WWOX: variants seen among roughly 807,000 people sequenced by gnomAD.
WWOX encodes WW domain containing oxidoreductase.
Under a neutral mutation model 46.2 loss-of-function variants are expected in WWOX, and 69 were observed. The observed-to-expected ratio is 1.49, with a 90% CI of 1.23 to 1.82. The LOEUF (loss-of-function observed/expected upper bound fraction) is 1.82, where lower values mean the gene tolerates loss of function less well. WWOX is among the 40% of genes most tolerant of loss of function. The pLI is 0.00. For missense variants in WWOX, 919 were observed against 542.6 expected, an observed-to-expected ratio of 1.69 and a Z score of -6.89; for synonymous variants, 359 against 202.6, an observed-to-expected ratio of 1.77 and a Z score of -6.56.
At chr16:78,895,972 G>T (rs1298445553) in intron 8 of WWOX, 1 of 152,120 alleles carries the variant, frequency 6.6e-6, no homozygotes, top group Non-Finnish European at 1.5e-5. Flanking sequence ...CCAGGAAACA[G>T]ATACTCAATT....
intron 8 of WWOX, among the ~76,000 whole-genome samples, chr16:78,569,346 A>G (rs375748215): frequency 5.9e-5 from 9 of 152,224 alleles, no homozygotes; most frequent in East Asian, 3.8e-4. Context: ...CAAACTTGAC[A>G]TCCACATTTG....
intron 8 of WWOX, among the ~76,000 whole-genome samples, chr16:78,539,663 G>C (rs2043840578): frequency 1.3e-5 from 2 of 152,200 alleles, no homozygotes; most frequent in African/African-American, 4.8e-5. Context: ...TGTACTTGCA[G>C]TGGCTGCCTG....
intron 8 of WWOX, among the ~76,000 whole-genome samples, chr16:78,696,006 G>T (rs947226681): frequency 6.6e-6 from 1 of 152,174 alleles, no homozygotes; most frequent in Non-Finnish European, 1.5e-5. Context: ...ATCTCTGGTG[G>T]GGAGGGAGAC....
At chr16:78,818,316 C>A (rs1001862028) in intron 8 of WWOX, among the ~76,000 whole-genome samples, 2 of 152,218 alleles carry the variant, frequency 1.3e-5, no homozygotes, top group African/African-American at 2.4e-5. Context: ...CCAGCCCTGC[C>A]ACACCATCAC....
At chr16:79,021,922 G>GT (rs1255408214) in intron 8 of WWOX, among the ~76,000 whole-genome samples, 1 of 152,194 alleles carries the variant, frequency 6.6e-6, no homozygotes, top group Non-Finnish European at 1.5e-5. Flanking sequence ...ACCAGCAACT[G>GT]TATCACCCAG....
At chr16:78,442,285 G>A (rs1406575053) in intron 8 of WWOX, among the ~76,000 whole-genome samples, 1 of 152,088 alleles carries the variant, frequency 6.6e-6, no homozygotes, top group Non-Finnish European at 1.5e-5. Flanking sequence ...CAAGAACATT[G>A]AAAGTCTAGT....
At chr16:78,801,908 G>C (rs756730360) in intron 8 of WWOX, among the ~76,000 whole-genome samples, 7 of 152,140 alleles carry the variant, frequency 4.6e-5, no homozygotes, top group Non-Finnish European at 8.8e-5. Flanking sequence ...TTGTGATTTG[G>C]TGTAAATCGC....
At chr16:78,511,741 T>C (rs2085366595) in intron 8 of WWOX, among the ~76,000 whole-genome samples, 1 of 152,204 alleles carries the variant, frequency 6.6e-6, no homozygotes. Flanking sequence ...GAAAATTTGA[T>C]GGCAAATTGA....
chr16:78,557,226 GATT>G lies in WWOX; in HGVS notation c.1056+124484_1056+124486del, dbSNP rs1225356770. ...AACACAGGGAAAGACCAATTATCAT[GATT>G]ATTATTATTTACCTTAAGACCTGAT... On this transcript the variant is annotated intron_variant, in intron 8 of 8. Coordinates refer to ENST00000566780, the MANE Select transcript of WWOX (RefSeq NM_016373.4). Among the ~76,000 whole-genome samples, 7 of 147,294 alleles carry G rather than the reference GATT, an allele frequency of 4.8e-5. No homozygotes were observed. In the East Asian group the frequency reaches 1.4e-3, roughly 30 times the overall value.
At chr16:78,800,300 C>T (rs1297614030) in intron 8 of WWOX, among the ~76,000 whole-genome samples, 3 of 151,646 alleles carry the variant, frequency 2.0e-5, no homozygotes, top group South Asian at 2.1e-4. Context: ...AATGCCAGGG[C>T]CTGTTTTTCT....
intron 8 of WWOX, among the ~76,000 whole-genome samples, chr16:78,947,346 C>T (rs755099087): frequency 2.2e-4 from 34 of 151,504 alleles, no homozygotes; most frequent in Non-Finnish European, 4.3e-4. Flanking sequence ...ATTTTTTAAG[C>T]CCCTAGCTGC....
At chr16:78,447,669 A>T (rs1199068442) in intron 8 of WWOX, among the ~76,000 whole-genome samples, 4 of 152,250 alleles carry the variant, frequency 2.6e-5, no homozygotes, top group Non-Finnish European at 5.9e-5. Flanking sequence ...GAGAAAGAAT[A>T]AAGAAACCAT....
chr16:79,043,316 A>G (rs2048006903), intron 8 of WWOX, among the ~76,000 whole-genome samples: 2 of 152,204 alleles, frequency 1.3e-5, no homozygotes, highest in African/African-American at 2.4e-5. Flanking sequence ...GGTAGCAGAA[A>G]TTAGGATTAA....
intron 8 of WWOX, among the ~76,000 whole-genome samples, chr16:78,454,295 T>G (rs953333023): frequency 2.0e-5 from 3 of 152,132 alleles, no homozygotes; most frequent in African/African-American, 7.2e-5. Flanking sequence ...CTCTCAAACT[T>G]TTTTGGACCA....
At chr16:78,731,453 A>G (rs2048966901) in intron 8 of WWOX, among the ~76,000 whole-genome samples, 1 of 152,040 alleles carries the variant, frequency 6.6e-6, no homozygotes, top group African/African-American at 2.4e-5. Flanking sequence ...GTGTTTCAAC[A>G]TAGACTTGTT....
chr16:78,398,777 A>G (rs112128351), intron 6 of WWOX, among the ~76,000 whole-genome samples: 1,595 of 152,334 alleles, frequency 0.01, 31 homozygotes, highest in African/African-American at 0.036. Flanking sequence ...ATGGGAAAGG[A>G]TACTAACACC....
At chr16:79,077,053 T>A (rs1159370310) in intron 8 of WWOX, among the ~76,000 whole-genome samples, 5 of 152,098 alleles carry the variant, frequency 3.3e-5, no homozygotes, top group African/African-American at 1.2e-4. Flanking sequence ...TTCCCTAAGG[T>A]TCCACGTAAT....
chr16:79,070,538 A>G (rs1251570841), intron 8 of WWOX, among the ~76,000 whole-genome samples: 1 of 152,130 alleles, frequency 6.6e-6, no homozygotes, highest in Non-Finnish European at 1.5e-5. Context: ...TTGTACACAG[A>G]TGAGCAAAGC....
chr16:78,742,223 C>G (rs567001538), intron 8 of WWOX, among the ~76,000 whole-genome samples: 53 of 152,236 alleles, frequency 3.5e-4, no homozygotes, highest in Non-Finnish European at 5.6e-4. Context: ...TGAGTGTGCT[C>G]AAAACTTATT....
Sources: gnomAD v4.1 joint callset for allele counts (sites outside exome capture counted in the v4.1 genomes callset) on GRCh38, gnomAD v4.1.1 for gene constraint, MANE v1.5 for transcripts, NCBI Gene and HGNC (gene_info 2026-07-23, HGNC 2026-07-21) for gene names.